Variants in SNX9 observed in about 807,000 individuals in gnomAD.
SNX9 encodes the protein sorting nexin 9.
In SNX9, 44 loss-of-function variants were observed where a neutral mutation model predicts 89.4. The observed-to-expected ratio is 0.49, with a 90% CI of 0.39 to 0.63. The LOEUF is 0.63. Ranked by LOEUF, SNX9 falls within the 30% of genes least tolerant of loss-of-function variation. SNX9 has a pLI of 0.00. For missense variants in SNX9, 578 were observed against 736.1 expected, an observed-to-expected ratio of 0.79 and a Z score of 2.49; for synonymous variants, 236 against 247.8, an observed-to-expected ratio of 0.95 and a Z score of 0.45.
At chr6:157,907,757 C>T (rs1783248481) in intron 7 of SNX9, among the ~76,000 whole-genome samples, 1 of 152,240 alleles carries the variant, frequency 6.6e-6, no homozygotes, top group African/African-American at 2.4e-5. Context: ...AAAGCCACCG[C>T]GTCTTCAGGA....
chr6:157,924,229 T>G (rs1381707840), intron 10 of SNX9, among the ~76,000 whole-genome samples: 1 of 151,850 alleles, frequency 6.6e-6, no homozygotes, highest in Non-Finnish European at 1.5e-5. Context: ...GTATGTATTA[T>G]ATTTCAAATT....
intron 4 of SNX9, among the ~76,000 whole-genome samples, chr6:157,877,113 A>G (rs183061969): frequency 6.6e-6 from 1 of 152,366 alleles, no homozygotes; most frequent in East Asian, 1.9e-4. Context: ...TTATCTCAAG[A>G]TAGGTGGAGG....
intron 1 of SNX9, among the ~76,000 whole-genome samples, chr6:157,862,807 G>GT (rs1025968040): frequency 5.3e-5 from 8 of 151,944 alleles, no homozygotes; most frequent in Admixed American, 2.6e-4. Context: ...TATGGCCAGT[G>GT]TTTTTTTAAA....
chr6:157,879,605 T>C (rs533009839), intron 4 of SNX9, among the ~76,000 whole-genome samples: 11 of 152,366 alleles, frequency 7.2e-5, no homozygotes, highest in Admixed American at 1.3e-4. Flanking sequence ...GTTTCATTAT[T>C]AGTTACTTAT....
At chr6:157,857,761 T>C (rs1782041529) in intron 1 of SNX9, among the ~76,000 whole-genome samples, 1 of 152,096 alleles carries the variant, frequency 6.6e-6, no homozygotes, top group Non-Finnish European at 1.5e-5. Context: ...ATCCTATTTG[T>C]ATTTTTATTA....
intron 5 of SNX9, among the ~76,000 whole-genome samples, chr6:157,897,660 G>A (rs1012771574): frequency 3.3e-5 from 5 of 151,896 alleles, no homozygotes; most frequent in Admixed American, 2.0e-4. Context: ...GGAGCCCACC[G>A]CCCACCGCCA....
chr6:157,903,949 C>T (rs948902504), intron 6 of SNX9, among the ~76,000 whole-genome samples: 1 of 152,170 alleles, frequency 6.6e-6, no homozygotes, highest in African/African-American at 2.4e-5. Flanking sequence ...CGATTTAACA[C>T]CCTGTGTATT....
chr6:157,884,957 A>G (rs1378638042), intron 4 of SNX9, among the ~76,000 whole-genome samples: 1 of 152,180 alleles, frequency 6.6e-6, no homozygotes, highest in African/African-American at 2.4e-5. Flanking sequence ...AGCTTATTTC[A>G]CATGGACTTC....
intron 6 of SNX9, among the ~76,000 whole-genome samples, chr6:157,902,504 C>T (rs1020231158): frequency 1.2e-4 from 19 of 152,188 alleles, no homozygotes; most frequent in Non-Finnish European, 2.2e-4. Flanking sequence ...TGTTTTACTG[C>T]AGGCAAACTG....
At chr6:157,889,864 C>T (rs1365276375) in intron 4 of SNX9, among the ~76,000 whole-genome samples, 1 of 152,194 alleles carries the variant, frequency 6.6e-6, no homozygotes, top group African/African-American at 2.4e-5. Context: ...TGAGCCCTCA[C>T]ATATTAAGAT....
At chr6:157,915,638 A>ATATATATATATAT (rs1341603130) in intron 9 of SNX9, among the ~76,000 whole-genome samples, 3 of 77,370 alleles carry the variant, frequency 3.9e-5, no homozygotes, top group African/African-American at 1.6e-4. Flanking sequence ...AAAAAAAAAA[A>ATATATATATATAT]AAATATATAT....
intron 17 of SNX9, 74 bp downstream of exon 17, chr6:157,941,048 A>G: frequency 4.6e-6 from 6 of 1,309,422 alleles, no homozygotes; most frequent in Non-Finnish European, 6.6e-6. Context: ...GACCATGTAA[A>G]GTTAATCTGT....
At chr6:157,911,165 A>C (rs929839397) in intron 9 of SNX9, among the ~76,000 whole-genome samples, 5 of 152,226 alleles carry the variant, frequency 3.3e-5, no homozygotes, top group Admixed American at 6.5e-5. Flanking sequence ...AACAGACTTA[A>C]AGGTTAGACA....
At chr6:157,933,722 T>C (rs1783863333) in intron 13 of SNX9, among the ~76,000 whole-genome samples, 1 of 152,168 alleles carries the variant, frequency 6.6e-6, no homozygotes, top group African/African-American at 2.4e-5. Flanking sequence ...CTCTGTGATG[T>C]CTCAACAGGG....
intron 1 of SNX9, among the ~76,000 whole-genome samples, chr6:157,865,378 G>C (rs983861165): frequency 6.7e-6 from 1 of 149,848 alleles, no homozygotes; most frequent in Non-Finnish European, 1.5e-5. Context: ...AACATGACAA[G>C]CAGAATTCTG....
At chr6:157,870,115 A>T (rs1782364504) in intron 2 of SNX9, among the ~76,000 whole-genome samples, 1 of 148,606 alleles carries the variant, frequency 6.7e-6, no homozygotes, top group African/African-American at 2.5e-5. Context: ...GCTGTCACAC[A>T]TACACCTGCA....
intron 1 of SNX9, among the ~76,000 whole-genome samples, chr6:157,841,231 A>G (rs1347005644): frequency 6.6e-6 from 1 of 152,224 alleles, no homozygotes; most frequent in Non-Finnish European, 1.5e-5. Context: ...AATATGAATT[A>G]GATCACTGGA....
intron 5 of SNX9, among the ~76,000 whole-genome samples, chr6:157,900,001 A>G (rs1359264331): frequency 4.6e-5 from 7 of 152,056 alleles, no homozygotes; most frequent in Non-Finnish European, 1.0e-4. Flanking sequence ...ATGCAATATC[A>G]TTAACTGTAG....
chr6:157,907,663 C>T (rs3828709), intron 7 of SNX9, among the ~76,000 whole-genome samples: 36,394 of 152,080 alleles, frequency 0.24, 4,526 homozygotes, highest in African/African-American at 0.28. Flanking sequence ...TTTCATTGAC[C>T]GGCAAGTTTT....
Sources: gnomAD v4.1 joint callset for allele counts (sites outside exome capture counted in the v4.1 genomes callset) on GRCh38, gnomAD v4.1.1 for gene constraint, MANE v1.5 for transcripts, NCBI Gene and HGNC (gene_info 2026-07-23, HGNC 2026-07-21) for gene names.